The following MED14 variants were observed in gnomAD, a reference collection of about 807,000 sequenced individuals.
The protein encoded by MED14 is mediator complex subunit 14.
Under a neutral mutation model 109.0 loss-of-function variants are expected in MED14, and 8 were observed. The ratio of observed to expected loss-of-function variants is 0.07; its 90% CI spans 0.04 to 0.13. MED14 has a LOEUF of 0.13. Among genes scored for constraint, MED14 ranks in the 10% least tolerant of loss-of-function variants. The pLI is 1.00. For missense variants in MED14, 711 were observed against 1,142.4 expected, an observed-to-expected ratio of 0.62 and a Z score of 5.44; for synonymous variants, 399 against 408.7, an observed-to-expected ratio of 0.98 and a Z score of 0.29.
intron 3 of MED14, among the ~76,000 whole-genome samples, chrX:40,724,937 G>C (rs1048390089): frequency 2.7e-5 from 3 of 111,098 alleles, no homozygotes; most frequent in African/African-American, 9.8e-5. Flanking sequence ...AGAAAAAAAG[G>C]GAGAAGACCC....
At chrX:40,709,035 T>C (rs1388668725) in intron 10 of MED14, among the ~76,000 whole-genome samples, 1 of 111,547 alleles carries the variant, frequency 9.0e-6, no homozygotes, top group African/African-American at 3.3e-5. Context: ...CTAAAGCTCC[T>C]GGCCTCAAGT....
intron 18 of MED14, 34 bp downstream of exon 18, chrX:40,682,567 TAA>T (rs1569285908): frequency 8.4e-6 from 9 of 1,070,183 alleles, no homozygotes; most frequent in African/African-American, 1.9e-5. Flanking sequence ...TTTTTTTTTT[TAA>T]TTTATTTAAA....
chrX:40,669,923 C>T (rs769003412), intron 23 of MED14, among the ~76,000 whole-genome samples: 1 of 111,979 alleles, frequency 8.9e-6, no homozygotes, highest in Admixed American at 9.5e-5. Context: ...ATCGAATGCT[C>T]TTTCAGAAGC....
In MED14 at chrX:40,709,986, G is replaced by A; in HGVS notation, c.1166C>T (p.Ala389Val). The change falls in exon 9 of 31, where the codon GCC (alanine) becomes GTC (valine). Residue 389 changes from alanine (A) to valine (V), a missense_variant. Ala to Val is a moderately conservative substitution (Grantham distance 64, BLOSUM62 0). Transcript: ENST00000324817. ...TATATTGAGATCTTTTACCTTCATG[G>A]CTCTTTCTACTAATTTGGAATCAGA... ...PASDSKLVER[A>V]MKIDHLSIEK... 1 of 1,171,025 alleles carries A rather than the reference G, an allele frequency of 8.5e-7. No individual in the cohort carries two copies. The highest frequency in any genetic ancestry group is 1.1e-6 in the Non-Finnish European group (1 of 870,447).
At chrX:40,699,721 G>T (rs1296717185) in intron 12 of MED14, among the ~76,000 whole-genome samples, 19 of 112,040 alleles carry the variant, frequency 1.7e-4, no homozygotes, top group Middle Eastern at 4.2e-3. Flanking sequence ...AATGCACAAT[G>T]ATGCTAAAAC....
chrX:40,729,538 C>A, intron 1 of MED14, 193 bp from the exon 2 acceptor site: 1 of 415,103 alleles, frequency 2.4e-6, no homozygotes, highest in Non-Finnish European at 4.1e-6. Flanking sequence ...AAGGCAAAAA[C>A]CAACAAAAGA....
intron 25 of MED14, among the ~76,000 whole-genome samples, chrX:40,663,409 C>T (rs1358127563): frequency 1.8e-5 from 1 of 54,620 alleles, no homozygotes; most frequent in Non-Finnish European, 3.3e-5. Flanking sequence ...TCTATTTCTC[C>T]ACCTGAAACC....
intron 21 of MED14, among the ~76,000 whole-genome samples, chrX:40,676,875 A>T (rs2077654083): frequency 8.9e-6 from 1 of 112,147 alleles, no homozygotes; most frequent in Admixed American, 9.4e-5. Flanking sequence ...AGCTCGTGGA[A>T]CTGTGAGTCA....
rs762764290 is a variant in MED14, at chrX:40,713,631, T to C, written c.652+147A>G. On this transcript the variant is annotated intron_variant, in intron 5 of 30. Coordinates refer to ENST00000324817, the MANE Select transcript of MED14 (RefSeq NM_004229.4). ...CTAATTTTTGTATTTTTAGTAGAGA[T>C]GGGGTTTCACCATGTTGGCCAGGCT... 2.4e-5 allele frequency: 13 copies of C among 552,714 alleles called. No individual in the cohort carries two copies. The Admixed American group carries it at 5.4e-4, about 23-fold the overall frequency. 45.5% of individuals were successfully genotyped at this position (552,714 alleles called of 1,213,427 possible).
intron 10 of MED14, among the ~76,000 whole-genome samples, chrX:40,707,682 T>C (rs944876219): frequency 1.8e-5 from 2 of 112,398 alleles, no homozygotes; most frequent in African/African-American, 6.5e-5. Context: ...CACATTATGA[T>C]TCCATTTATA....
Position 40,729,358 on chromosome X carries a change from A to T in MED14, c.216-13T>A, listed in dbSNP as rs767031609. ...TTTCCTTGGCAGTCTAAGAAGAAAA[A>T]AAAAAAACGGATTAGATACATGCAT... On this transcript the variant is annotated splice_polypyrimidine_tract_variant and intron_variant, in intron 1 of 30. Coordinates refer to ENST00000324817, the MANE Select transcript of MED14 (RefSeq NM_004229.4). The T allele has an allele frequency of 8.4e-7, 1 of 1,189,052 alleles. No individual in the cohort carries two copies. The highest frequency in any genetic ancestry group is 1.8e-5 in the South Asian group (1 of 54,120).
chrX:40,705,341 G>GT (rs1305247346), intron 10 of MED14, among the ~76,000 whole-genome samples: 1 of 111,752 alleles, frequency 8.9e-6, no homozygotes, highest in Non-Finnish European at 1.9e-5. Flanking sequence ...GGGAATTGGG[G>GT]TAACAATTAT....
chrX:40,728,401 A>G (rs1471488736), intron 2 of MED14, among the ~76,000 whole-genome samples: 1 of 111,406 alleles, frequency 9.0e-6, no homozygotes, highest in African/African-American at 3.3e-5. Flanking sequence ...CAGCCAAACC[A>G]TAACACAGGT....
intron 14 of MED14, 117 bp from the exon 15 acceptor site, chrX:40,692,434 T>C: frequency 1.7e-6 from 1 of 581,488 alleles, no homozygotes. Flanking sequence ...AAAACAAATG[T>C]TATTGTATTT....
intron 1 of MED14, among the ~76,000 whole-genome samples, chrX:40,733,300 T>C (rs983926056): frequency 9.1e-6 from 1 of 109,678 alleles, no homozygotes; most frequent in Non-Finnish European, 1.9e-5. Context: ...TTTTCTATTT[T>C]TGGTAGAGAC....
intron 30 of MED14, 93 bp downstream of exon 30, chrX:40,654,271 G>T: frequency 2.5e-6 from 2 of 801,457 alleles, no homozygotes; most frequent in South Asian, 2.5e-5. Context: ...GGTAGAGTAG[G>T]TAAGGAGGGA....
At position 40,680,048 on chromosome X, in the gene MED14, G is replaced by C; in HGVS notation, c.2696C>G (p.Thr899Ser). The change falls in exon 21 of 31, where the codon ACT becomes AGT. Residue 899 changes from threonine (T) to serine (S), a missense_variant. Thr to Ser is a moderately conservative substitution (Grantham distance 58). Transcript: ENST00000324817. ...PMLGLTQRTN[T>S]AYQCFSILPQ... ...CAGAATGGAGAAGCACTGGTAGGCAGTATTGGTTCTCTGGGTCAAGCCCAA... is the reference window on the plus strand; with the variant it reads ...CAGAATGGAGAAGCACTGGTAGGCACTATTGGTTCTCTGGGTCAAGCCCAA... 8.3e-7 allele frequency: 1 copy of C among 1,210,571 alleles called. No individual in the cohort carries two copies. Among genetic ancestry groups the C allele is most frequent in the Non-Finnish European group, 1.1e-6 (1 of 894,250 alleles).
At chrX:40,735,692 A>C, upstream of MED14, 1 of 467,733 alleles carries the variant, frequency 2.1e-6, no homozygotes, top group East Asian at 4.3e-5. Flanking sequence ...AAACGCTCAG[A>C]AGCAGCTTCG....
chrX:40,706,666 T>C lies in MED14; in HGVS notation c.1285+2682A>G, dbSNP rs563770754. 1.3e-4 allele frequency among the ~76,000 whole-genome samples: 15 copies of C among 112,263 alleles called. No homozygotes were observed. In the South Asian group the frequency reaches 5.5e-3, roughly 41 times the overall value. On this transcript the variant is annotated intron_variant, in intron 10 of 30. Coordinates refer to ENST00000324817, the MANE Select transcript of MED14 (RefSeq NM_004229.4). Reference sequence around the variant, plus strand: ...TTCTGAAGATTTCTCTAAATTTCTCTTTAGAAATCTTCAGAACCTAGGTGA... The same window carrying C: ...TTCTGAAGATTTCTCTAAATTTCTCCTTAGAAATCTTCAGAACCTAGGTGA...
Sources: allele counts gnomAD v4.1 joint callset (sites outside exome capture counted in the v4.1 genomes callset), GRCh38; gene constraint gnomAD v4.1.1; transcripts MANE v1.5; gene names NCBI Gene and HGNC (gene_info 2026-07-23, HGNC 2026-07-21).